AGMO: variants seen among roughly 807,000 people sequenced by gnomAD.
AGMO encodes the protein alkylglycerol monooxygenase.
A neutral mutation model predicts 60.2 loss-of-function variants in AGMO; 75 were observed. The observed-to-expected ratio is 1.25, with a 90% confidence interval of 1.03 to 1.51. AGMO has a LOEUF of 1.51. Ranked by LOEUF, AGMO falls within the 40% of genes most tolerant of loss-of-function variation. The pLI, the probability that AGMO is intolerant of heterozygous loss-of-function variation, is 0.00. For synonymous variants in AGMO, 261 were observed against 177.1 expected (o/e 1.47, Z -3.76); for missense variants, 763 against 525.5 (o/e 1.45, Z -4.42).
chr7:15,310,348 A>AG (rs1780733914), intron 12 of AGMO, among the ~76,000 whole-genome samples: 1 of 152,030 alleles, frequency 6.6e-6, no homozygotes, highest in Non-Finnish European at 1.5e-5. Context: ...CTCTGGAGTA[A>AG]GGGGCCCCTG....
At chr7:15,206,500 A>G (rs1239740501) in intron 12 of AGMO, among the ~76,000 whole-genome samples, 1 of 152,122 alleles carries the variant, frequency 6.6e-6, no homozygotes. Flanking sequence ...TATGTTTAAT[A>G]TGAGGCCTTT....
At chr7:15,269,642 A>G (rs1185746080) in intron 12 of AGMO, among the ~76,000 whole-genome samples, 1 of 152,122 alleles carries the variant, frequency 6.6e-6, no homozygotes, top group African/African-American at 2.4e-5. Context: ...TCAAGGTGGT[A>G]CATGTGCAAG....
intron 12 of AGMO, among the ~76,000 whole-genome samples, chr7:15,285,623 A>G (rs549243695): frequency 9.9e-5 from 15 of 152,136 alleles, no homozygotes; most frequent in Non-Finnish European, 1.5e-4. Context: ...GGCAGAATCA[A>G]TATCATGAAA....
chr7:15,163,226 G>C, the AGMO span, among the ~76,000 whole-genome samples: 6 of 152,062 alleles, frequency 3.9e-5, no homozygotes, highest in African/African-American at 1.4e-4. Context: ...CTTTTGAAGG[G>C]ATCTTTAGGG....
chr7:15,355,488 G>A (rs1380392117), intron 12 of AGMO, among the ~76,000 whole-genome samples: 1 of 124,368 alleles, frequency 8.0e-6, no homozygotes, highest in Non-Finnish European at 1.6e-5. Flanking sequence ...CTGGACAACT[G>A]AGTGAGACTC....
At chr7:15,419,559 C>A (rs976175186) in intron 4 of AGMO, among the ~76,000 whole-genome samples, 5 of 151,834 alleles carry the variant, frequency 3.3e-5, no homozygotes, top group Admixed American at 3.3e-4. Flanking sequence ...GACATGTTCT[C>A]AGTTATGCAA....
intron 12 of AGMO, among the ~76,000 whole-genome samples, chr7:15,306,912 C>T (rs1780631874): frequency 6.6e-6 from 1 of 151,544 alleles, no homozygotes; most frequent in Non-Finnish European, 1.5e-5. Flanking sequence ...AAATAGTTTG[C>T]AATATTAAAT....
chr7:15,415,247 C>T (rs946857289), intron 5 of AGMO, among the ~76,000 whole-genome samples: 5 of 151,926 alleles, frequency 3.3e-5, no homozygotes, highest in Non-Finnish European at 7.4e-5. Flanking sequence ...CAGGCACCCG[C>T]CACCATGCCC....
chr7:15,177,681 G>C, the AGMO span, among the ~76,000 whole-genome samples: 1 of 151,970 alleles, frequency 6.6e-6, no homozygotes, highest in African/African-American at 2.4e-5. Context: ...CGGTAGAATA[G>C]AAGATATTTG....
chr7:15,308,947 G>A (rs552187480), intron 12 of AGMO, among the ~76,000 whole-genome samples: 1 of 152,284 alleles, frequency 6.6e-6, no homozygotes, highest in East Asian at 1.9e-4. Context: ...GTCAAATGGA[G>A]TGATTTGGTT....
At chr7:15,277,998 T>C (rs187682948) in intron 12 of AGMO, among the ~76,000 whole-genome samples, 7 of 152,220 alleles carry the variant, frequency 4.6e-5, no homozygotes, top group Admixed American at 2.0e-4. Flanking sequence ...ACATCCAAGA[T>C]AGACAGAAAT....
rs61400312 is a variant in AGMO at position 15,406,228 on chromosome 7, T to TACACACACACACACAC, written c.610-12065_610-12050dup. On this transcript the variant is annotated intron_variant, in intron 5 of 12. Transcript: ENST00000342526. ...ACTCAAAAGGCCCCTTTGTTTGGAATACACACACACACACACACACACACG... is the reference window on the plus strand; with the variant it reads ...ACTCAAAAGGCCCCTTTGTTTGGAATACACACACACACACACACACACACACACACACACACACACG... 5.1e-3 allele frequency among the ~76,000 whole-genome samples: 693 copies of TACACACACACACACAC among 136,394 alleles called. 9 individuals are homozygous for TACACACACACACACAC. The highest frequency in any genetic ancestry group is 0.015 in the African/African-American group (532 of 34,886). The allele number at this position is 136,394 out of a possible 152,430, so 89.5% of individuals were successfully genotyped here. A position where few individuals can be genotyped will look rare whatever the true frequency, so the allele number is the denominator to read the frequency against.
chr7:15,150,198 C>T, the AGMO span, among the ~76,000 whole-genome samples: 1 of 151,882 alleles, frequency 6.6e-6, no homozygotes, highest in Non-Finnish European at 1.5e-5. Flanking sequence ...GTTGTAGGAG[C>T]CTTTGGGTAG....
chr7:15,225,622 T>A (rs1782057020), intron 12 of AGMO, among the ~76,000 whole-genome samples: 1 of 151,962 alleles, frequency 6.6e-6, no homozygotes, highest in Admixed American at 6.6e-5. Flanking sequence ...GACAGACTAA[T>A]AACTTAAGTT....
intron 10 of AGMO, among the ~76,000 whole-genome samples, chr7:15,378,773 T>TA (rs1783559746): frequency 6.6e-6 from 1 of 151,520 alleles, no homozygotes; most frequent in Non-Finnish European, 1.5e-5. Context: ...CAGTGATGTC[T>TA]AAAAGCATAC....
chr7:15,550,307 A>G (rs902952072), intron 2 of AGMO, among the ~76,000 whole-genome samples: 44 of 152,096 alleles, frequency 2.9e-4, no homozygotes, highest in Non-Finnish European at 5.4e-4. Context: ...AGCAAGAAAT[A>G]ACTAAAATCA....
chr7:15,185,300 A>C, the AGMO span, among the ~76,000 whole-genome samples: 1 of 152,280 alleles, frequency 6.6e-6, no homozygotes, highest in Admixed American at 6.5e-5. Context: ...TTTGAATTAG[A>C]GAATCTAAGG....
At chr7:15,165,354 C>CCTG in the AGMO span, among the ~76,000 whole-genome samples, 9 of 152,038 alleles carry the variant, frequency 5.9e-5, no homozygotes, top group African/African-American at 1.7e-4. Context: ...ATGTAACATA[C>CCTG]CTGCACATGT....
At chr7:15,239,423 A>G (rs537754470) in intron 12 of AGMO, among the ~76,000 whole-genome samples, 2 of 152,218 alleles carry the variant, frequency 1.3e-5, no homozygotes, top group Non-Finnish European at 1.5e-5. Flanking sequence ...GTCTCCAGGG[A>G]TAGTAAAATC....
Sources: allele counts gnomAD v4.1 joint callset (sites outside exome capture counted in the v4.1 genomes callset), GRCh38; gene constraint gnomAD v4.1.1; transcripts MANE v1.5; gene names NCBI Gene and HGNC (gene_info 2026-07-23, HGNC 2026-07-21).